STK32B: variants seen among roughly 807,000 people sequenced by gnomAD.
The protein encoded by STK32B is serine/threonine-protein kinase 32B.
In STK32B, 43 loss-of-function variants were observed where a neutral mutation model predicts 52.6. That is an observed-to-expected ratio of 0.82 (90% confidence interval 0.64 to 1.05). STK32B has a LOEUF of 1.05. Ranked by LOEUF, STK32B falls within the 50% of genes least tolerant of loss-of-function variation. STK32B has a pLI of 0.00. For synonymous variants in STK32B, 238 were observed against 204.3 expected (o/e 1.17, Z -1.41); for missense variants, 621 against 534.6 (o/e 1.16, Z -1.59).
At chr4:5,063,355 T>C (rs1742290547) in intron 1 of STK32B, among the ~76,000 whole-genome samples, 1 of 152,180 alleles carries the variant, frequency 6.6e-6, no homozygotes. Flanking sequence ...TTTCTTTTTT[T>C]TTGTCTTGAG....
At chr4:5,449,668 C>G (rs1233618578) in intron 7 of STK32B, among the ~76,000 whole-genome samples, 5 of 152,144 alleles carry the variant, frequency 3.3e-5, no homozygotes, top group Non-Finnish European at 5.9e-5. Flanking sequence ...GAAGCTTCCT[C>G]TGTATTTAGA....
In STK32B at chr4:5,364,017, A is replaced by G. The variant is rs1229222249; in HGVS notation, c.434+32624A>G. Among the ~76,000 whole-genome samples the G allele has an allele frequency of 4.6e-5, 7 of 151,656 alleles. No individual in the cohort carries two copies. In the Admixed American group the frequency reaches 4.7e-4, roughly 10 times the overall value. ...TGAATTATGAGAGATATATTGATCCATCCCCCTGCTGGAGGCATCCTTTTG... is the reference window on the plus strand; with the variant it reads ...TGAATTATGAGAGATATATTGATCCGTCCCCCTGCTGGAGGCATCCTTTTG... On this transcript the variant is annotated intron_variant, in intron 4 of 11. Coordinates refer to ENST00000282908, the MANE Select transcript of STK32B (RefSeq NM_018401.3).
At chr4:5,228,498 T>A (rs1724025424) in intron 3 of STK32B, among the ~76,000 whole-genome samples, 1 of 152,152 alleles carries the variant, frequency 6.6e-6, no homozygotes, top group African/African-American at 2.4e-5. Flanking sequence ...GGCTTCTTCA[T>A]TTATAGTTTG....
At chr4:5,475,816 G>A (rs1718196292) in intron 11 of STK32B, among the ~76,000 whole-genome samples, 1 of 151,252 alleles carries the variant, frequency 6.6e-6, no homozygotes, top group African/African-American at 2.4e-5. Context: ...GCTGTTATGT[G>A]CCGTGTACTG....
chr4:5,056,913 C>T (rs1359126374), intron 1 of STK32B, among the ~76,000 whole-genome samples: 1 of 152,108 alleles, frequency 6.6e-6, no homozygotes, highest in African/African-American at 2.4e-5. Context: ...CAGATAGAAA[C>T]AAAAAACATC....
chr4:5,430,219 G>A (rs904969102), intron 6 of STK32B, among the ~76,000 whole-genome samples: 42 of 152,006 alleles, frequency 2.8e-4, no homozygotes, highest in African/African-American at 9.7e-4. Flanking sequence ...TTCAAAACCC[G>A]AAGTGAGATG....
chr4:5,071,733 T>G (rs1711791056), intron 1 of STK32B, among the ~76,000 whole-genome samples: 1 of 152,210 alleles, frequency 6.6e-6, no homozygotes, highest in African/African-American at 2.4e-5. Flanking sequence ...CATTTGAAAG[T>G]GATTTGCATT....
At chr4:5,374,736 T>C (rs1223188812) in intron 4 of STK32B, among the ~76,000 whole-genome samples, 2 of 149,590 alleles carry the variant, frequency 1.3e-5, no homozygotes, top group Non-Finnish European at 3.0e-5. Context: ...TCTTATACTA[T>C]TGCATTGAGG....
intron 4 of STK32B, among the ~76,000 whole-genome samples, chr4:5,387,926 T>A (rs1736360790): frequency 2.6e-5 from 4 of 152,066 alleles, no homozygotes; most frequent in African/African-American, 9.7e-5. Context: ...GTATTTTTAG[T>A]AAAGACGGGG....
intron 1 of STK32B, among the ~76,000 whole-genome samples, chr4:5,138,113 A>G (rs974025846): frequency 9.2e-5 from 14 of 152,206 alleles, no homozygotes; most frequent in African/African-American, 3.4e-4. Flanking sequence ...TAAGAAGTGA[A>G]AATATGAAAT....
intron 2 of STK32B, among the ~76,000 whole-genome samples, chr4:5,157,560 T>C (rs1399396367): frequency 6.6e-6 from 1 of 151,832 alleles, no homozygotes; most frequent in Non-Finnish European, 1.5e-5. Flanking sequence ...CACGTGGGGA[T>C]CTGGGGAAAA....
chr4:5,396,402 T>C lies in STK32B; in HGVS notation c.435-1805T>C, dbSNP rs1736923358. 6.6e-6 allele frequency among the ~76,000 whole-genome samples: 1 copy of C among 152,216 alleles called. No homozygotes were observed. The highest frequency in any genetic ancestry group is 6.5e-5 in the Admixed American group (1 of 15,286). ...TTTAGAGTCCTCCCTAAATCCAGGA[T>C]GATTCATCTTGAGATCCTTAAGTAA... On this transcript the variant is annotated intron_variant, in intron 4 of 11. Coordinates refer to ENST00000282908, the MANE Select transcript of STK32B (RefSeq NM_018401.3). This position sits in a 1 kb window ranked among gnomAD's most constrained non-coding sequence, Gnocchi z 4.7.
At chr4:5,118,511 G>A (rs1714858119) in intron 1 of STK32B, among the ~76,000 whole-genome samples, 1 of 152,180 alleles carries the variant, frequency 6.6e-6, no homozygotes, top group Admixed American at 6.5e-5. Context: ...CTTCTCATCA[G>A]GCATGGCTGC....
rs930596745 is a variant in STK32B, at chr4:5,058,191, C to T, written c.52+6276C>T. ...ATATAAATATCTCATTCTTTCAGTG[C>T]GGGACATTATCCTGTTTCAACGTGG... On this transcript the variant is annotated intron_variant, in intron 1 of 11. Coordinates refer to ENST00000282908, the MANE Select transcript of STK32B (RefSeq NM_018401.3). This position sits in a 1 kb window ranked among gnomAD's most constrained non-coding sequence, Gnocchi z 4.8. Among the ~76,000 whole-genome samples the T allele has an allele frequency of 4.6e-5, 7 of 152,294 alleles. No individual in the cohort carries two copies. Among genetic ancestry groups the T allele is most frequent in the African/African-American group, 7.2e-5 (3 of 41,574 alleles).
chr4:5,355,524 A>T (rs1167581086), intron 4 of STK32B, among the ~76,000 whole-genome samples: 2 of 152,170 alleles, frequency 1.3e-5, no homozygotes, highest in African/African-American at 4.8e-5. Flanking sequence ...TTATGATGAG[A>T]TTCTGAAGGC....
chr4:5,406,059 G>A (rs28816421), intron 5 of STK32B, among the ~76,000 whole-genome samples: 6,446 of 152,142 alleles, frequency 0.042, 452 homozygotes, highest in African/African-American at 0.15. Context: ...TACTTCCAAG[G>A]TACAATGGGC....
chr4:5,395,311 A>G lies in STK32B; in HGVS notation c.435-2896A>G, dbSNP rs1369115961. ...ACACCCATCACCTTTGTCAGCTTCC[A>G]TGGCTAGGACCACGTCACAGGTGAG... is the stretch of plus-strand genomic sequence containing the variant. On this transcript the variant is annotated intron_variant, in intron 4 of 11. Transcript: ENST00000282908. The surrounding 1 kb of genome is among the most constrained non-coding windows in gnomAD (Gnocchi z 4.4). Among the ~76,000 whole-genome samples the G allele has an allele frequency of 6.6e-5, 10 of 152,218 alleles. No individual in the cohort carries two copies. Among genetic ancestry groups the G allele is most frequent in the African/African-American group, 9.6e-5 (4 of 41,452 alleles).
intron 3 of STK32B, among the ~76,000 whole-genome samples, chr4:5,205,553 T>A (rs1178459347): frequency 6.6e-6 from 1 of 152,140 alleles, no homozygotes; most frequent in Non-Finnish European, 1.5e-5. Context: ...CTGGCTTCTC[T>A]CAGTCTCCCC....
At position 5,457,018 on chromosome 4, in the gene STK32B, A is replaced by T. The variant is rs1051884823; in HGVS notation, c.783+95A>T. 5 of 884,942 alleles carry T rather than the reference A, an allele frequency of 5.7e-6. 1 individual carries two copies. Among genetic ancestry groups the T allele is most frequent in the Middle Eastern group, 3.5e-4 (1 of 2,872 alleles). 54.8% of individuals were successfully genotyped at this position (884,942 alleles called of 1,614,324 possible). On this transcript the variant is annotated intron_variant, in intron 8 of 11. Coordinates refer to ENST00000282908, the MANE Select transcript of STK32B (RefSeq NM_018401.3). ...ACGAAGGGGTGAGAATACAAATGGC[A>T]TACTCGGGGTAGAGATGATCAAATC...
Sources: allele counts gnomAD v4.1 joint callset (sites outside exome capture counted in the v4.1 genomes callset), GRCh38; gene constraint gnomAD v4.1.1; non-coding constraint Gnocchi (gnomAD v3.1); transcripts MANE v1.5; gene names NCBI Gene and HGNC (gene_info 2026-07-23, HGNC 2026-07-21).